Variants in PID1 observed in about 807,000 individuals in gnomAD.
PID1 encodes PTB-containing, cubilin and LRP1-interacting protein.
A neutral mutation model predicts 19.1 loss-of-function variants in PID1; 10 were observed. That is an observed-to-expected ratio of 0.52 (90% CI 0.32 to 0.89). The LOEUF (loss-of-function observed/expected upper bound fraction) is 0.89. Ranked by LOEUF, PID1 falls within the 40% of genes least tolerant of loss-of-function variation. The probability of loss-of-function intolerance (pLI) is 0.03; values close to 1 mark genes in which losing one functional copy is unlikely to be tolerated. For missense variants in PID1, 248 were observed against 285.3 expected, an observed-to-expected ratio of 0.87 and a Z score of 0.94; for synonymous variants, 130 against 116.0, an observed-to-expected ratio of 1.12 and a Z score of -0.78.
At chr2:229,069,147 G>T (rs201205077) in intron 2 of PID1, among the ~76,000 whole-genome samples, 20 of 113,820 alleles carry the variant, frequency 1.8e-4, no homozygotes, top group African/African-American at 7.1e-4. Flanking sequence ...GGGTTTTTGT[G>T]TGTGTGTGTG....
At chr2:229,181,048 C>CT (rs1358933718) in intron 1 of PID1, among the ~76,000 whole-genome samples, 1 of 152,230 alleles carries the variant, frequency 6.6e-6, no homozygotes, top group Non-Finnish European at 1.5e-5. Context: ...TTTCTCTACA[C>CT]TTTGTCTCTG....
chr2:229,249,150 G>A (rs916788385), intron 1 of PID1, among the ~76,000 whole-genome samples: 2 of 152,106 alleles, frequency 1.3e-5, no homozygotes, highest in African/African-American at 4.8e-5. Context: ...ATAACAAAGG[G>A]AATGTCCCTA....
At chr2:229,238,852 C>T (rs1689791391) in intron 1 of PID1, among the ~76,000 whole-genome samples, 1 of 152,080 alleles carries the variant, frequency 6.6e-6, no homozygotes, top group African/African-American at 2.4e-5. Flanking sequence ...AACACCTTGA[C>T]TTTGGCTACC....
chr2:229,062,707 G>A (rs1451892271), intron 2 of PID1, among the ~76,000 whole-genome samples: 5 of 151,858 alleles, frequency 3.3e-5, no homozygotes, highest in Non-Finnish European at 7.4e-5. Flanking sequence ...AAAAATATTG[G>A]TATTAGTTCT....
intron 2 of PID1, among the ~76,000 whole-genome samples, chr2:229,055,284 G>C (rs1694077006): frequency 6.6e-6 from 1 of 152,172 alleles, no homozygotes; most frequent in Non-Finnish European, 1.5e-5. Flanking sequence ...ATGGGCAGCT[G>C]ACTTCCTACA....
chr2:229,253,138 C>G (rs1242673515), intron 1 of PID1, among the ~76,000 whole-genome samples: 4 of 152,134 alleles, frequency 2.6e-5, no homozygotes, highest in Admixed American at 1.3e-4. Context: ...CATTTTTAAC[C>G]AACAACTACA....
intron 2 of PID1, among the ~76,000 whole-genome samples, chr2:229,147,204 C>T (rs1231506998): frequency 1.3e-5 from 2 of 152,058 alleles, no homozygotes; most frequent in African/African-American, 4.8e-5. Context: ...TCTGTTTGGG[C>T]ACAGAGAAGA....
In PID1 at chr2:229,266,074, C is replaced by T. The variant is rs567168743; in HGVS notation, c.30+4940G>A. Among the ~76,000 whole-genome samples, 5 of 152,258 alleles carry T rather than the reference C, an allele frequency of 3.3e-5. No homozygotes were observed. In the East Asian group the frequency reaches 5.8e-4, roughly 18 times the overall value. On this transcript the variant is annotated intron_variant, in intron 1 of 2. Coordinates refer to ENST00000392055, the MANE Select transcript of PID1 (RefSeq NM_001100818.2). Reference sequence around the variant, plus strand: ...TTATTCCTGAGGGAGACTAAGGCCCCGGATTAATGACAACTCCTAGTTTTC... The same window carrying T: ...TTATTCCTGAGGGAGACTAAGGCCCTGGATTAATGACAACTCCTAGTTTTC...
chr2:229,211,737 T>C (rs1452759880), intron 1 of PID1, among the ~76,000 whole-genome samples: 2 of 152,228 alleles, frequency 1.3e-5, no homozygotes, highest in Non-Finnish European at 1.5e-5. Flanking sequence ...ACTCTGGCTG[T>C]GTTCTGGATA....
At chr2:229,206,808 T>C (rs1179749216) in intron 1 of PID1, among the ~76,000 whole-genome samples, 2 of 152,208 alleles carry the variant, frequency 1.3e-5, no homozygotes, top group Non-Finnish European at 2.9e-5. Flanking sequence ...TTTATTTCTC[T>C]GTAAGGTATC....
intron 1 of PID1, among the ~76,000 whole-genome samples, chr2:229,162,105 GTGT>G (rs1266905310): frequency 3.9e-5 from 6 of 152,226 alleles, no homozygotes; most frequent in Non-Finnish European, 8.8e-5. Context: ...GAAGTGAATA[GTGT>G]TGTAGAAAAC....
Position 229,114,174 on chromosome 2 carries a change from A to AACAC in PID1, c.177+41640_177+41643dup, listed in dbSNP as rs151089843. On this transcript the variant is annotated intron_variant, in intron 2 of 2. Transcript: ENST00000392055. ...CTTTCTCTCTCTCTCTCTCCACACA[A>AACAC]ACACACACACACACACACACACACA... Among the ~76,000 whole-genome samples, 438 of 124,656 alleles carry AACAC rather than the reference A, an allele frequency of 3.5e-3. 2 individuals carry two copies. Among genetic ancestry groups the AACAC allele is most frequent in the African/African-American group, 8.3e-3 (298 of 35,884 alleles). 81.8% of individuals were successfully genotyped at this position (124,656 alleles called of 152,430 possible). A position where few individuals can be genotyped will look rare whatever the true frequency, so the allele number is the denominator to read the frequency against.
At chr2:229,226,133 G>C (rs1458389932) in intron 1 of PID1, among the ~76,000 whole-genome samples, 1 of 152,150 alleles carries the variant, frequency 6.6e-6, no homozygotes, top group East Asian at 1.9e-4. Flanking sequence ...TATGCCATCT[G>C]TTTCCAGCCA....
At chr2:229,087,969 T>G (rs752236892) in intron 2 of PID1, among the ~76,000 whole-genome samples, 1 of 152,084 alleles carries the variant, frequency 6.6e-6, no homozygotes, top group Admixed American at 6.6e-5. Context: ...TAATCACACA[T>G]GCACCCCCCA....
intron 2 of PID1, among the ~76,000 whole-genome samples, chr2:229,040,431 A>G: frequency 6.6e-6 from 1 of 152,154 alleles, no homozygotes; most frequent in East Asian, 1.9e-4. Context: ...AAGAAACCAG[A>G]AGAAAAAAAC....
At chr2:229,267,610 C>T (rs2106296799) in intron 1 of PID1, among the ~76,000 whole-genome samples, 1 of 152,270 alleles carries the variant, frequency 6.6e-6, no homozygotes, top group Admixed American at 6.5e-5. Flanking sequence ...TCTTTCTCCT[C>T]CTATCAAGGC....
At chr2:229,189,002 T>C (rs1486606324) in intron 1 of PID1, among the ~76,000 whole-genome samples, 7 of 152,150 alleles carry the variant, frequency 4.6e-5, no homozygotes, top group Admixed American at 3.9e-4. Flanking sequence ...AGAGAATAAA[T>C]ACATCAAAGG....
chr2:229,253,685 G>C (rs533121465), intron 1 of PID1, among the ~76,000 whole-genome samples: 65 of 151,850 alleles, frequency 4.3e-4, no homozygotes, highest in Middle Eastern at 3.5e-3. Flanking sequence ...CAAGGACACT[G>C]TGCGTCCATA....
intron 2 of PID1, among the ~76,000 whole-genome samples, chr2:229,143,318 C>T (rs555186991): frequency 1.3e-5 from 2 of 150,780 alleles, no homozygotes; most frequent in African/African-American, 2.5e-5. Context: ...GCACATTGTG[C>T]ACATGTACCC....
Sources: allele counts gnomAD v4.1 joint callset (sites outside exome capture counted in the v4.1 genomes callset), GRCh38; gene constraint gnomAD v4.1.1; transcripts MANE v1.5; gene names NCBI Gene and HGNC (gene_info 2026-07-23, HGNC 2026-07-21).